TIAM1: variants seen among roughly 807,000 people sequenced by gnomAD.
The protein encoded by TIAM1 is TIAM Rac1 associated GEF 1.
In TIAM1, 65 loss-of-function variants were observed where a neutral mutation model predicts 163.5. That is an observed-to-expected ratio of 0.40 (90% CI 0.33 to 0.49). TIAM1 has a LOEUF of 0.49. Among genes scored for constraint, TIAM1 ranks in the 20% least tolerant of loss-of-function variants. The pLI is 0.77. For missense variants in TIAM1, 1,789 were observed against 2,044.7 expected (o/e 0.87, Z 2.41); for synonymous variants, 833 against 810.1 (o/e 1.03, Z -0.48).
At position 31,154,405 on chromosome 21, in the gene TIAM1, A is replaced by G. The variant is rs778287948; in HGVS notation, c.3013T>C (p.Phe1005Leu). The change falls in exon 17 of 28, where the codon TTT becomes CTT. Residue 1005 changes from phenylalanine (F) to leucine (L), a missense_variant. Around this residue, in one of 5 missense-constraint regions of TIAM1, gnomAD observed 303 missense variants for 321.3 expected, o/e 0.94. Transcript: ENST00000541036. ...TTCATCTCATGCAAACTGCGGCAAA[A>G]TGCGGCCACCTGTTCTGTACTCTTC... The part of the protein sequence containing the change: ...SSKSTEQVAA[F>L]CRSLHEMNPS... 6.2e-7 allele frequency: 1 copy of G among 1,614,076 alleles called. No individual in the cohort carries two copies. Among genetic ancestry groups the G allele is most frequent in the South Asian group, 1.1e-5 (1 of 91,062 alleles).
intron 10 of TIAM1, among the ~76,000 whole-genome samples, chr21:31,210,562 G>A (rs2086680598): frequency 8.8e-6 from 1 of 113,638 alleles, no homozygotes; most frequent in African/African-American, 4.4e-5. Context: ...AAGAAAGAAA[G>A]AAAGAAAGAA....
chr21:31,278,876 A>G (rs2073420504), intron 2 of TIAM1, among the ~76,000 whole-genome samples: 1 of 152,144 alleles, frequency 6.6e-6, no homozygotes, highest in African/African-American at 2.4e-5. Flanking sequence ...CAGTTCCTGA[A>G]TTGCTTAGGA....
chr21:31,165,707 A>G (rs2084177801), intron 15 of TIAM1, among the ~76,000 whole-genome samples: 1 of 151,764 alleles, frequency 6.6e-6, no homozygotes, highest in Non-Finnish European at 1.5e-5. Flanking sequence ...TATACTAAAA[A>G]ATTAACTGAT....
chr21:31,518,191 T>C (rs2047445692), intron 1 of TIAM1, among the ~76,000 whole-genome samples: 1 of 152,208 alleles, frequency 6.6e-6, no homozygotes, highest in Admixed American at 6.5e-5. Context: ...GGTATGAGCA[T>C]AGCCCTGCCA....
At chr21:31,447,699 G>C (rs953905938) in intron 2 of TIAM1, among the ~76,000 whole-genome samples, 2 of 152,194 alleles carry the variant, frequency 1.3e-5, no homozygotes, top group African/African-American at 4.8e-5. Flanking sequence ...CTGCTGGCCT[G>C]AGAAATGAGG....
chr21:31,142,179 C>A (rs145483253), intron 20 of TIAM1, among the ~76,000 whole-genome samples: 1 of 152,156 alleles, frequency 6.6e-6, no homozygotes, highest in Non-Finnish European at 1.5e-5. Context: ...CTCTTGGGAA[C>A]TGTGAGTGAC....
intron 15 of TIAM1, among the ~76,000 whole-genome samples, chr21:31,176,287 T>A (rs892798407): frequency 3.9e-5 from 6 of 152,132 alleles, no homozygotes; most frequent in Admixed American, 3.9e-4. Context: ...ACAAATACAG[T>A]TCTGCAACTT....
chr21:31,146,899 C>T lies in TIAM1; in HGVS notation c.3471G>A (p.Val1157=). ...ASHTKVPKVL[V]KAKTDTAFKA... ...CCACATCCTCAGAGGCCTTACCTTT[C>T]ACCAGGACCTTGGGAACTTTTGTGT... is the stretch of plus-strand genomic sequence containing the variant. Residue 1157 remains valine, a synonymous_variant, in exon 20 of 28, where the codon GTG becomes GTA. Transcript: ENST00000541036. 2.5e-6 allele frequency: 4 copies of T among 1,613,944 alleles called. No individual in the cohort carries two copies. Among genetic ancestry groups the T allele is most frequent in the East Asian group, 2.2e-5 (1 of 44,868 alleles).
intron 1 of TIAM1, among the ~76,000 whole-genome samples, chr21:31,523,635 C>G (rs922681633): frequency 6.6e-6 from 1 of 152,086 alleles, no homozygotes; most frequent in Admixed American, 6.6e-5. Flanking sequence ...GATAATAGTA[C>G]GTACTCAGTG....
intron 1 of TIAM1, among the ~76,000 whole-genome samples, chr21:31,532,847 G>A (rs993652697): frequency 1.3e-5 from 2 of 152,152 alleles, no homozygotes; most frequent in Admixed American, 1.3e-4. Flanking sequence ...CTCAGGACGG[G>A]GAGGTAAAAG....
intron 15 of TIAM1, among the ~76,000 whole-genome samples, chr21:31,176,812 T>C (rs796588494): frequency 4.6e-5 from 7 of 151,864 alleles, no homozygotes; most frequent in African/African-American, 1.7e-4. Context: ...CCTAAGGCAG[T>C]GGCTCCCAAC....
chr21:31,446,508 C>T (rs2044629745), intron 2 of TIAM1, among the ~76,000 whole-genome samples: 1 of 152,178 alleles, frequency 6.6e-6, no homozygotes, highest in Admixed American at 6.5e-5. Context: ...TTACACACCA[C>T]ACTTTCATGG....
intron 6 of TIAM1, among the ~76,000 whole-genome samples, chr21:31,240,398 T>C (rs1374190034): frequency 2.0e-5 from 3 of 152,122 alleles, no homozygotes; most frequent in Non-Finnish European, 4.4e-5. Flanking sequence ...AAACAGCAAG[T>C]TTTGTGATAT....
chr21:31,475,285 C>A (rs550699068), intron 1 of TIAM1, among the ~76,000 whole-genome samples: 5 of 152,030 alleles, frequency 3.3e-5, no homozygotes, highest in African/African-American at 1.2e-4. Flanking sequence ...AACTCCTGGG[C>A]TCAAGTGATC....
chr21:31,404,200 A>G (rs950657148), intron 2 of TIAM1, among the ~76,000 whole-genome samples: 8 of 152,176 alleles, frequency 5.3e-5, no homozygotes, highest in Non-Finnish European at 2.9e-5. Flanking sequence ...TTATCCTTTT[A>G]TCTTTAGAAA....
intron 1 of TIAM1, among the ~76,000 whole-genome samples, chr21:31,465,065 G>T (rs2045474726): frequency 6.6e-6 from 1 of 151,626 alleles, no homozygotes; most frequent in South Asian, 2.1e-4. Flanking sequence ...TGGTGCAGTG[G>T]TATGCAACTG....
chr21:31,164,851 C>G, intron 16 of TIAM1, 111 bp downstream of exon 16: 1 of 1,071,698 alleles, frequency 9.3e-7, no homozygotes, highest in Admixed American at 2.2e-5. Flanking sequence ...GAAGCAAAAA[C>G]ACTTCGTCCA....
intron 6 of TIAM1, among the ~76,000 whole-genome samples, chr21:31,241,521 A>G (rs566833007): frequency 6.6e-6 from 1 of 152,368 alleles, no homozygotes; most frequent in East Asian, 1.9e-4. Flanking sequence ...CACACATAAC[A>G]AAGCCTAAAT....
intron 2 of TIAM1, among the ~76,000 whole-genome samples, chr21:31,449,163 C>T (rs929821663): frequency 1.3e-5 from 2 of 152,022 alleles, no homozygotes; most frequent in African/African-American, 4.8e-5. Context: ...TGGGGTTTCA[C>T]CATGTTGCCC....
Sources: gnomAD v4.1 joint callset for allele counts (sites outside exome capture counted in the v4.1 genomes callset) on GRCh38, gnomAD v4.1.1 for gene constraint, gnomAD v4.1.1 regional missense constraint, MANE v1.5 for transcripts, NCBI Gene and HGNC (gene_info 2026-07-23, HGNC 2026-07-21) for gene names.